The following GRIA4 variants were observed in gnomAD, a reference collection of about 807,000 sequenced individuals.
GRIA4 encodes glutamate receptor 4.
In GRIA4, 34 loss-of-function variants were observed where a neutral mutation model predicts 104.0. The ratio of observed to expected loss-of-function variants is 0.33; its 90% confidence interval spans 0.25 to 0.44. The LOEUF (loss-of-function observed/expected upper bound fraction) is 0.44, where lower values mean the gene tolerates loss of function less well. GRIA4 is among the 20% of genes least tolerant of loss of function. The pLI, the probability that GRIA4 is intolerant of heterozygous loss-of-function variation, is 1.00. For synonymous variants in GRIA4, 386 were observed against 381.9 expected (o/e 1.01, Z -0.13); for missense variants, 750 against 1,096.5 (o/e 0.68, Z 4.46).
chr11:105,914,584 T>C (rs1300504728), intron 10 of GRIA4, among the ~76,000 whole-genome samples: 3 of 152,158 alleles, frequency 2.0e-5, no homozygotes, highest in African/African-American at 7.2e-5. Flanking sequence ...AGCCCTAATG[T>C]AGCAGCTTTA....
At chr11:105,754,330 AAT>A in intron 4 of GRIA4, among the ~76,000 whole-genome samples, 1 of 152,336 alleles carries the variant, frequency 6.6e-6, no homozygotes. Flanking sequence ...TTGTAACATA[AAT>A]ATGTTACTTT....
At chr11:105,887,741 AT>A (rs1023787913) in intron 6 of GRIA4, among the ~76,000 whole-genome samples, 169 bp downstream of exon 6, 3 of 152,160 alleles carry the variant, frequency 2.0e-5, no homozygotes, top group African/African-American at 7.2e-5. Context: ...GTAGAATTCA[AT>A]ATATTTTTAT....
At chr11:105,978,929 T>C (rs1296839592) in intron 16 of GRIA4, among the ~76,000 whole-genome samples, 1 of 152,218 alleles carries the variant, frequency 6.6e-6, no homozygotes, top group African/African-American at 2.4e-5. Flanking sequence ...GACCATTCAG[T>C]AGGCTTTGAA....
intron 14 of GRIA4, among the ~76,000 whole-genome samples, chr11:105,951,650 T>G (rs1948459799): frequency 6.6e-6 from 1 of 152,214 alleles, no homozygotes; most frequent in Admixed American, 6.5e-5. Flanking sequence ...TTCACATTTT[T>G]TTTTAAATTT....
At chr11:105,831,241 C>T (rs912775303) in intron 4 of GRIA4, among the ~76,000 whole-genome samples, 1 of 151,914 alleles carries the variant, frequency 6.6e-6, no homozygotes, top group Non-Finnish European at 1.5e-5. Context: ...CTTTTTTCTC[C>T]TCCTTGTGGC....
At chr11:105,846,517 A>G (rs1327721538) in intron 4 of GRIA4, among the ~76,000 whole-genome samples, 1 of 152,172 alleles carries the variant, frequency 6.6e-6, no homozygotes, top group Admixed American at 6.5e-5. Context: ...TATGACTATT[A>G]CACACATAAA....
At chr11:105,850,783 A>C (rs943038713) in intron 4 of GRIA4, among the ~76,000 whole-genome samples, 4 of 152,186 alleles carry the variant, frequency 2.6e-5, no homozygotes, top group Non-Finnish European at 5.9e-5. Flanking sequence ...GCATACGCTC[A>C]ATGTAAAGAG....
chr11:105,912,683 T>C (rs1012671413), intron 10 of GRIA4: 4 of 877,246 alleles, frequency 4.6e-6, no homozygotes, highest in Non-Finnish European at 5.5e-6. Context: ...ATAATACCTC[T>C]GATATTTGCA....
chr11:105,639,296 A>C (rs1207011262), intron 3 of GRIA4, among the ~76,000 whole-genome samples: 1 of 152,092 alleles, frequency 6.6e-6, no homozygotes, highest in Admixed American at 6.6e-5. Flanking sequence ...ACAAATGCAA[A>C]ATATATTTTA....
chr11:105,949,225 A>G (rs1948403851), intron 14 of GRIA4, among the ~76,000 whole-genome samples: 1 of 152,200 alleles, frequency 6.6e-6, no homozygotes, highest in Non-Finnish European at 1.5e-5. Flanking sequence ...GCTTGCCAAC[A>G]CTTAATAGAC....
At chr11:105,977,416 T>C (rs193049627) in intron 16 of GRIA4, among the ~76,000 whole-genome samples, 22 of 152,032 alleles carry the variant, frequency 1.4e-4, no homozygotes, top group Admixed American at 1.4e-3. Flanking sequence ...AATACATTGG[T>C]TTGGATTAGA....
chr11:105,847,550 AT>A (rs564008767), intron 4 of GRIA4, among the ~76,000 whole-genome samples: 1 of 152,062 alleles, frequency 6.6e-6, no homozygotes, highest in African/African-American at 2.4e-5. Context: ...AAAATACTGC[AT>A]TTTTTTTGTT....
At chr11:105,890,533 T>C (rs1441151462) in intron 6 of GRIA4, among the ~76,000 whole-genome samples, 1 of 152,212 alleles carries the variant, frequency 6.6e-6, no homozygotes, top group African/African-American at 2.4e-5. Context: ...AACCATTCAA[T>C]CTCCTTCATC....
At chr11:105,749,336 G>C (rs1369165261) in intron 3 of GRIA4, among the ~76,000 whole-genome samples, 1 of 152,156 alleles carries the variant, frequency 6.6e-6, no homozygotes, top group East Asian at 1.9e-4. Flanking sequence ...TGAAACAGTA[G>C]AGAGATAGGA....
At chr11:105,648,915 G>C (rs1951609071) in intron 3 of GRIA4, among the ~76,000 whole-genome samples, 1 of 152,154 alleles carries the variant, frequency 6.6e-6, no homozygotes, top group Non-Finnish European at 1.5e-5. Flanking sequence ...GACTAGAGAA[G>C]CTAACGGATT....
intron 3 of GRIA4, 79 bp downstream of exon 3, chr11:105,612,513 AT>A (rs982407027): frequency 2.3e-5 from 26 of 1,152,602 alleles, no homozygotes; most frequent in Non-Finnish European, 3.2e-5. Context: ...TTGTTATTTA[AT>A]TTTTTTAGAA....
intron 4 of GRIA4, among the ~76,000 whole-genome samples, chr11:105,776,606 C>T (rs2135756897): frequency 6.6e-6 from 1 of 152,238 alleles, no homozygotes; most frequent in South Asian, 2.1e-4. Flanking sequence ...CATAGCAATG[C>T]TCAACAAACA....
chr11:105,821,709 G>T (rs1034247926), intron 4 of GRIA4, among the ~76,000 whole-genome samples: 1 of 151,948 alleles, frequency 6.6e-6, no homozygotes, highest in African/African-American at 2.4e-5. Flanking sequence ...TGAGATTTGG[G>T]CAGGGATAAA....
At chr11:105,920,701 A>C (rs1179819800) in intron 11 of GRIA4, among the ~76,000 whole-genome samples, 1 of 152,170 alleles carries the variant, frequency 6.6e-6, no homozygotes, top group Non-Finnish European at 1.5e-5. Flanking sequence ...AAAAGTCCCA[A>C]AGTTATGCAG....
Sources: allele counts gnomAD v4.1 joint callset (sites outside exome capture counted in the v4.1 genomes callset), GRCh38; gene constraint gnomAD v4.1.1; transcripts MANE v1.5; gene names NCBI Gene and HGNC (gene_info 2026-07-23, HGNC 2026-07-21).